DDX4: variants seen among roughly 807,000 people sequenced by gnomAD.
DDX4 encodes DEAD-box helicase 4.
DDX4 carries 25 observed loss-of-function variants against 100.0 expected under a neutral mutation model. That is an observed-to-expected ratio of 0.25 (90% confidence interval 0.18 to 0.35). The LOEUF (loss-of-function observed/expected upper bound fraction) is 0.35, where lower values mean the gene tolerates loss of function less well. Among genes scored for constraint, DDX4 ranks in the 10% least tolerant of loss-of-function variants. The pLI is 1.00. For missense variants in DDX4, 635 were observed against 882.4 expected, an observed-to-expected ratio of 0.72 and a Z score of 3.55; for synonymous variants, 259 against 275.7, an observed-to-expected ratio of 0.94 and a Z score of 0.60.
rs1056280049 is a variant in DDX4, at chr5:55,766,991, T to A, written c.335-890T>A. ...GGTAGTTTTCAGGCAGCCTTCAGTA[T>A]AGTAATCTCTCATACTACTATTTTA... On this transcript the variant is annotated intron_variant, in intron 6 of 21. Coordinates refer to ENST00000505374, the MANE Select transcript of DDX4 (RefSeq NM_024415.3). 2.4e-5 allele frequency: 37 copies of A among 1,531,184 alleles called. No individual in the cohort carries two copies. In the East Asian group the frequency reaches 9.1e-4, roughly 38 times the overall value. The allele number at this position is 1,531,184 out of a possible 1,614,324, so 94.8% of individuals were successfully genotyped here. A position where few individuals can be genotyped will look rare whatever the true frequency, so the allele number is the denominator to read the frequency against.
In DDX4 at chr5:55,738,108, G is replaced by T. The variant is rs1215483544; in HGVS notation, c.-15+7G>T. 1 of 152,324 alleles carries T rather than the reference G, an allele frequency of 6.6e-6. No individual in the cohort carries two copies. The allele number at this position is 152,324 out of a possible 1,614,324, so 9.4% of individuals were successfully genotyped here. A position where few individuals can be genotyped will look rare whatever the true frequency, so the allele number is the denominator to read the frequency against. On this transcript the variant is annotated splice_region_variant and intron_variant, in intron 1 of 21. Coordinates refer to ENST00000505374, the MANE Select transcript of DDX4 (RefSeq NM_024415.3). ...GAGAGCAAGCCGCGGAGAGGTGAGT[G>T]GGCCGCTTTTCTACGGGAACTGGCC... is the stretch of plus-strand genomic sequence containing the variant.
intron 18 of DDX4, among the ~76,000 whole-genome samples, chr5:55,809,117 G>T (rs143451206): frequency 0.031 from 4,786 of 152,320 alleles, 90 homozygotes; most frequent in South Asian, 0.06. Context: ...CTTTGAGCCA[G>T]GTGTGGGATA....
rs200900572 is a variant in DDX4 at position 55,798,588 on chromosome 5, C to T, written c.1615+17C>T. On this transcript the variant is annotated intron_variant, in intron 18 of 21. Transcript: ENST00000505374. ...GAAACATAGGTATCTTACGTTGATA[C>T]ATTTTTTTGTCATGATTTTGATTTT... The T allele has an allele frequency of 6.4e-7, 1 of 1,556,348 alleles. No individual in the cohort carries two copies. The highest frequency in any genetic ancestry group is 2.3e-5 in the East Asian group (1 of 43,702).
rs1311989325 is a variant in DDX4, at chr5:55,816,552, C to G, written c.*12C>G. The G allele has an allele frequency of 6.2e-7, 1 of 1,609,292 alleles. No homozygotes were observed. The highest frequency in any genetic ancestry group is 8.5e-7 in the Non-Finnish European group (1 of 1,178,326). The stretch of plus-strand genomic sequence containing the variant: ...AGTCATGGGATTAAAGCCAAAACAT[C>G]CTTCAAGTCTGTGGTTTTGATGCAG... On this transcript the variant is annotated 3_prime_UTR_variant, in exon 22 of 22. Transcript: ENST00000505374.
chr5:55,791,738 A>C (rs542015400), intron 16 of DDX4, among the ~76,000 whole-genome samples: 55 of 152,324 alleles, frequency 3.6e-4, no homozygotes, highest in African/African-American at 1.3e-3. Flanking sequence ...AAGAATGATA[A>C]AAATTCAGTT....
chr5:55,739,070 AT>A (rs1167669650), intron 2 of DDX4, 38 bp downstream of exon 2: 2 of 1,250,412 alleles, frequency 1.6e-6, no homozygotes, highest in Non-Finnish European at 1.2e-6. Context: ...AATGCTACGG[AT>A]TTTATCAAAG....
chr5:55,793,817 A>AGTTCCAAT (rs1742743310), intron 17 of DDX4, among the ~76,000 whole-genome samples: 1 of 152,230 alleles, frequency 6.6e-6, no homozygotes, highest in Non-Finnish European at 1.5e-5. Context: ...TTCTGCAGAC[A>AGTTCCAAT]GTTCCAATGT....
chr5:55,804,576 G>T (rs1387043955), intron 18 of DDX4, among the ~76,000 whole-genome samples: 2 of 152,244 alleles, frequency 1.3e-5, no homozygotes, highest in African/African-American at 4.8e-5. Context: ...TTATTAAATA[G>T]GGAATCCTTT....
intron 2 of DDX4, among the ~76,000 whole-genome samples, chr5:55,743,505 C>G (rs1759095216): frequency 6.6e-6 from 1 of 152,282 alleles, no homozygotes; most frequent in South Asian, 2.1e-4. Flanking sequence ...TCTCGGCTCC[C>G]TTCAAGCTCC....
chr5:55,794,248 C>T (rs1026369702), intron 17 of DDX4, among the ~76,000 whole-genome samples: 10 of 149,188 alleles, frequency 6.7e-5, no homozygotes, highest in Admixed American at 2.7e-4. Flanking sequence ...AGTGCAATGG[C>T]GCGATCTTGG....
At chr5:55,742,139 G>A (rs1759011854) in intron 2 of DDX4, 1 of 456,038 alleles carries the variant, frequency 2.2e-6, no homozygotes, top group Non-Finnish European at 4.4e-6. Flanking sequence ...CGAAAGATGT[G>A]AAGTTAAGAA....
chr5:55,774,416 T>G (rs1741441281), intron 7 of DDX4, among the ~76,000 whole-genome samples: 1 of 152,222 alleles, frequency 6.6e-6, no homozygotes, highest in Non-Finnish European at 1.5e-5. Context: ...CCTTCCAAAG[T>G]GCTCGGATTA....
intron 10 of DDX4, 62 bp from the exon 11 acceptor site, chr5:55,785,235 A>T: frequency 8.5e-7 from 1 of 1,172,968 alleles, no homozygotes; most frequent in Non-Finnish European, 1.2e-6. Flanking sequence ...ACAAGCAACG[A>T]AAATAAAGAT....
At chr5:55,772,044 C>A (rs1040452453) in intron 7 of DDX4, among the ~76,000 whole-genome samples, 3 of 152,064 alleles carry the variant, frequency 2.0e-5, no homozygotes, top group Admixed American at 2.0e-4. Flanking sequence ...TATGGTGAAA[C>A]CCCGTCTGTA....
chr5:55,804,385 G>A (rs2112139398), intron 18 of DDX4, among the ~76,000 whole-genome samples: 1 of 152,160 alleles, frequency 6.6e-6, no homozygotes, highest in African/African-American at 2.4e-5. Context: ...TTTTAGACAT[G>A]AAGTCCTTGC....
intron 7 of DDX4, among the ~76,000 whole-genome samples, chr5:55,779,552 T>C (rs1260071583): frequency 2.0e-5 from 3 of 152,224 alleles, no homozygotes; most frequent in Non-Finnish European, 4.4e-5. Flanking sequence ...AATCAGACTT[T>C]ATATGTGCCT....
intron 16 of DDX4, among the ~76,000 whole-genome samples, chr5:55,791,849 C>T (rs1157121554): frequency 3.3e-5 from 5 of 152,160 alleles, no homozygotes; most frequent in African/African-American, 7.2e-5. Flanking sequence ...CAGTGGCTCA[C>T]GCCTATAATC....
chr5:55,764,551 C>T (rs912098088), intron 6 of DDX4, among the ~76,000 whole-genome samples: 4 of 152,134 alleles, frequency 2.6e-5, no homozygotes, highest in Admixed American at 6.5e-5. Flanking sequence ...AGATGGACTA[C>T]GATAAACCAG....
intron 7 of DDX4, among the ~76,000 whole-genome samples, chr5:55,773,964 T>C (rs1241320951): frequency 3.9e-5 from 6 of 152,024 alleles, no homozygotes; most frequent in Admixed American, 6.6e-5. Context: ...ATGACTGTGA[T>C]GTTGAGCAGC....
Sources: gnomAD v4.1 joint callset for allele counts (sites outside exome capture counted in the v4.1 genomes callset) on GRCh38, gnomAD v4.1.1 for gene constraint, MANE v1.5 for transcripts, NCBI Gene and HGNC (gene_info 2026-07-23, HGNC 2026-07-21) for gene names.